Variants in IL17RD observed in about 807,000 individuals in gnomAD.
IL17RD encodes interleukin 17 receptor D, also known as interleukin-17 receptor D.
IL17RD carries 52 observed loss-of-function variants against 80.5 expected under a neutral mutation model. That is an observed-to-expected ratio of 0.65 (90% CI 0.52 to 0.81). The LOEUF is 0.81. Among genes scored for constraint, IL17RD ranks in the 40% least tolerant of loss-of-function variants. IL17RD has a pLI of 0.00. For missense variants in IL17RD, 1,024 were observed against 955.1 expected (o/e 1.07, Z -0.95); for synonymous variants, 416 against 391.8 (o/e 1.06, Z -0.73).
intron 1 of IL17RD, among the ~76,000 whole-genome samples, chr3:57,124,826 G>A (rs911347202): frequency 2.0e-5 from 3 of 152,256 alleles, no homozygotes; most frequent in Non-Finnish European, 2.9e-5. Flanking sequence ...CACACGGCAC[G>A]TGCTGTCATT....
upstream of IL17RD, among the ~76,000 whole-genome samples, chr3:57,167,853 A>G (rs1249749385): frequency 6.6e-6 from 1 of 151,708 alleles, no homozygotes; most frequent in Non-Finnish European, 1.5e-5. Context: ...TTTCTTTGAG[A>G]CGAAGTCTCA....
intron 1 of IL17RD, among the ~76,000 whole-genome samples, chr3:57,144,045 G>T (rs1042199819): frequency 2.0e-5 from 3 of 152,182 alleles, no homozygotes; most frequent in African/African-American, 7.2e-5. Flanking sequence ...TTTCTGCAAA[G>T]GTGGCTGAAG....
intron 1 of IL17RD, among the ~76,000 whole-genome samples, chr3:57,163,467 G>C (rs532469890): frequency 1.3e-5 from 2 of 151,964 alleles, no homozygotes; most frequent in African/African-American, 4.8e-5. Context: ...AACTTCACGA[G>C]TTTTGTACAG....
Position 57,131,329 on chromosome 3 carries a change from C to G in IL17RD, c.127-11016G>C, listed in dbSNP as rs141991271. 2.0e-5 allele frequency among the ~76,000 whole-genome samples: 3 copies of G among 152,322 alleles called. No homozygotes were observed. In the East Asian group the frequency reaches 5.8e-4, roughly 29 times the overall value. Reference sequence around the variant, plus strand: ...TTTCAGTATAAGCATGCAACTCACACTCGCTGAGTGCCCACTGGTTACAAA... The same window carrying G: ...TTTCAGTATAAGCATGCAACTCACAGTCGCTGAGTGCCCACTGGTTACAAA... On this transcript the variant is annotated intron_variant, in intron 1 of 12. Coordinates refer to ENST00000296318, the MANE Select transcript of IL17RD (RefSeq NM_017563.5).
chr3:57,122,066 C>T (rs956570690), intron 1 of IL17RD, among the ~76,000 whole-genome samples: 2 of 152,136 alleles, frequency 1.3e-5, no homozygotes, highest in Admixed American at 1.3e-4. Flanking sequence ...CACACCCTGG[C>T]CCTCCAAGAA....
intron 1 of IL17RD, among the ~76,000 whole-genome samples, chr3:57,149,993 G>A (rs183157894): frequency 1.3e-3 from 197 of 152,308 alleles, no homozygotes; most frequent in Admixed American, 2.4e-3. Flanking sequence ...TCAGTATACA[G>A]AACAGTCCCA....
intron 1 of IL17RD, among the ~76,000 whole-genome samples, chr3:57,146,034 C>CGCAT (rs925071557): frequency 6.2e-5 from 8 of 129,792 alleles, no homozygotes; most frequent in African/African-American, 3.1e-4. Flanking sequence ...CACACTCACG[C>CGCAT]GCGCGCGCGC....
intron 1 of IL17RD, among the ~76,000 whole-genome samples, chr3:57,146,989 ATTTTT>A: frequency 7.9e-6 from 1 of 126,476 alleles, no homozygotes; most frequent in African/African-American, 2.9e-5. Flanking sequence ...TGCCCGGCTA[ATTTTT>A]TTTTTTTTTT....
chr3:57,140,435 T>C (rs779570622), intron 1 of IL17RD, among the ~76,000 whole-genome samples: 4 of 152,144 alleles, frequency 2.6e-5, no homozygotes, highest in Non-Finnish European at 4.4e-5. Context: ...GCTAGAATGG[T>C]ATCAGTAGGA....
At position 57,097,929 on chromosome 3, in the gene IL17RD, T is replaced by C; in HGVS notation, c.1774A>G (p.Met592Val). The C allele has an allele frequency of 6.2e-7, 1 of 1,614,018 alleles. No homozygotes were observed. Among genetic ancestry groups the C allele is most frequent in the Middle Eastern group, 1.6e-4 (1 of 6,062 alleles). ...FDSGLVLNDV[M>V]CKPGPESDFC... Reference sequence around the variant, plus strand: ...TCACTCTCAGGCCCTGGTTTGCACATGACATCATTTAAAACCAAGCCCGAA... The same window carrying C: ...TCACTCTCAGGCCCTGGTTTGCACACGACATCATTTAAAACCAAGCCCGAA... Residue 592 changes from methionine to valine, a missense_variant, in exon 12 of 13, where the codon ATG (methionine) becomes GTG (valine). Coordinates refer to ENST00000296318, the MANE Select transcript of IL17RD (RefSeq NM_017563.5).
chr3:57,168,269 G>A (rs1303591350), upstream of IL17RD, among the ~76,000 whole-genome samples: 1 of 152,172 alleles, frequency 6.6e-6, no homozygotes, highest in Non-Finnish European at 1.5e-5. Context: ...CCATATGATT[G>A]CATGACAGGG....
chr3:57,116,584 C>G (rs1422106928), intron 2 of IL17RD, among the ~76,000 whole-genome samples: 1 of 151,856 alleles, frequency 6.6e-6, no homozygotes, highest in East Asian at 1.9e-4. Context: ...CATGCCTGGC[C>G]CATATTTACA....
intron 1 of IL17RD, among the ~76,000 whole-genome samples, chr3:57,153,173 G>C (rs914463423): frequency 1.1e-4 from 16 of 152,316 alleles, no homozygotes; most frequent in African/African-American, 3.8e-4. Context: ...AAAAGGGAAG[G>C]CTTAATGTGA....
chr3:57,117,412 C>G (rs1707241058), intron 2 of IL17RD, among the ~76,000 whole-genome samples: 1 of 152,042 alleles, frequency 6.6e-6, no homozygotes, highest in Admixed American at 6.6e-5. Context: ...CTGTGCCCAG[C>G]CAATATAAAG....
At chr3:57,118,505 T>C (rs375186027) in intron 2 of IL17RD, among the ~76,000 whole-genome samples, 12 of 152,306 alleles carry the variant, frequency 7.9e-5, no homozygotes, top group African/African-American at 2.6e-4. Context: ...ATGCCAGACG[T>C]CACTAAATAT....
chr3:57,154,843 G>A (rs965865290), intron 1 of IL17RD, among the ~76,000 whole-genome samples: 3 of 152,078 alleles, frequency 2.0e-5, no homozygotes, highest in African/African-American at 7.2e-5. Context: ...AGCCACAGGA[G>A]CTATCTTTAG....
intron 1 of IL17RD, among the ~76,000 whole-genome samples, chr3:57,152,495 G>A (rs535191448): frequency 1.1e-4 from 17 of 152,290 alleles, no homozygotes; most frequent in South Asian, 4.1e-4. Flanking sequence ...ACAAACGCCC[G>A]GCACACAGGC....
At chr3:57,154,121 C>T (rs1469897846) in intron 1 of IL17RD, among the ~76,000 whole-genome samples, 3 of 151,662 alleles carry the variant, frequency 2.0e-5, no homozygotes, top group Admixed American at 1.3e-4. Flanking sequence ...TGGCGGCACA[C>T]GCCTGTGGTC....
At position 57,114,797 on chromosome 3, in the gene IL17RD, G is replaced by C; in HGVS notation, c.205C>G (p.Pro69Ala). ...TCAGCAATCACATGCTTCCCCACTG[G>C]ATTCAAGTAGGTGGTACAATCTAGA... The part of the protein sequence containing the change: ...KYDNCTTYLN[P>A]VGKHVIADAQ... Residue 69 changes from proline (P) to alanine (A), a missense_variant, in exon 3 of 13, where the codon CCA (proline) becomes GCA (alanine). Pro to Ala is a conservative substitution (Grantham distance 27). Coordinates refer to ENST00000296318, the MANE Select transcript of IL17RD (RefSeq NM_017563.5). The C allele has an allele frequency of 1.2e-6, 2 of 1,607,794 alleles. No homozygotes were observed. The highest frequency in any genetic ancestry group is 1.7e-6 in the Non-Finnish European group (2 of 1,177,380).
Sources: gnomAD v4.1 joint callset for allele counts (sites outside exome capture counted in the v4.1 genomes callset) on GRCh38, gnomAD v4.1.1 for gene constraint, MANE v1.5 for transcripts, NCBI Gene and HGNC (gene_info 2026-07-23, HGNC 2026-07-21) for gene names.